NR5A1: variants seen among roughly 807,000 people sequenced by gnomAD.
NR5A1 encodes nuclear receptor subfamily 5 group A member 1, also known as steroidogenic factor 1.
Under a neutral mutation model 42.7 loss-of-function variants are expected in NR5A1, and 6 were observed. The ratio of observed to expected loss-of-function variants is 0.14; its 90% CI spans 0.08 to 0.28. NR5A1 has a LOEUF of 0.28. Among genes scored for constraint, NR5A1 ranks in the 10% least tolerant of loss-of-function variants. The probability of loss-of-function intolerance (pLI) is 1.00; values close to 1 mark genes in which losing one functional copy is unlikely to be tolerated. For synonymous variants in NR5A1, 274 were observed against 277.5 expected (o/e 0.99, Z 0.12); for missense variants, 442 against 626.4 (o/e 0.71, Z 3.14).
intron 4 of NR5A1, among the ~76,000 whole-genome samples, chr9:124,499,152 G>T (rs1832429743): frequency 6.6e-6 from 1 of 152,194 alleles, no homozygotes. Context: ...GGAGGGGCAG[G>T]CCTTGGTCAG....
Position 124,498,158 on chromosome 9 carries a change from C to T in NR5A1, c.870+1932G>A, listed in dbSNP as rs370766655. 3.4e-4 allele frequency among the ~76,000 whole-genome samples: 52 copies of T among 152,228 alleles called. No individual in the cohort carries two copies. The highest frequency in any genetic ancestry group is 1.0e-3 in the African/African-American group (43 of 41,542). The stretch of plus-strand genomic sequence containing the variant: ...GAAATGAATGATCAGCTAGAAGAGA[C>T]GCCGGAGTCACCCACACCCCTCCCA... On this transcript the variant is annotated intron_variant, in intron 4 of 6. Coordinates refer to ENST00000373588, the MANE Select transcript of NR5A1 (RefSeq NM_004959.5). The surrounding 1 kb of genome is among the most constrained non-coding windows in gnomAD (Gnocchi z 4.6).
At position 124,500,464 on chromosome 9, in the gene NR5A1, C is replaced by T; in HGVS notation, c.496G>A (p.Ala166Thr). ...PPAGPLGDFG[A>T]PALPMAVPGA... ...GGCACGGCCATGGGCAGTGCTGGGG[C>T]CCCAAAGTCGCCCAGTGGCCCAGCA... is the stretch of plus-strand genomic sequence containing the variant. Residue 166 changes from alanine to threonine, a missense_variant, in exon 4 of 7, where the codon GCC (alanine) becomes ACC (threonine). Ala to Thr is a moderately conservative substitution (Grantham distance 58). This residue lies in a region of NR5A1 where 208 missense variants were observed against 203.8 expected (regional missense o/e 1.02). Transcript: ENST00000373588. The surrounding 1 kb of genome is among the most constrained non-coding windows in gnomAD (Gnocchi z 6.9). The T allele has an allele frequency of 1.9e-6, 3 of 1,593,044 alleles. 1 individual carries two copies. The South Asian group carries it at 3.4e-5, about 18-fold the overall frequency.
At chr9:124,488,186 A>T (rs1832251318) in intron 6 of NR5A1, among the ~76,000 whole-genome samples, 1 of 151,360 alleles carries the variant, frequency 6.6e-6, no homozygotes, top group Middle Eastern at 3.4e-3. Flanking sequence ...TGCTAGGCCC[A>T]GCTCAGAGCC....
chr9:124,490,565 G>A lies in NR5A1; in HGVS notation c.1138+516C>T, dbSNP rs546718947. Among the ~76,000 whole-genome samples, 421 of 152,288 alleles carry A rather than the reference G, an allele frequency of 2.8e-3. 2 individuals are homozygous for A. The highest frequency in any genetic ancestry group is 4.9e-3 in the Non-Finnish European group (331 of 68,026). On this transcript the variant is annotated intron_variant, in intron 6 of 6. Coordinates refer to ENST00000373588, the MANE Select transcript of NR5A1 (RefSeq NM_004959.5). ...TTCCTGGCTATGCCTGCCTAATCGTGTTAGGAACCTACGTCTTACTAATCA... is the reference window on the plus strand; with the variant it reads ...TTCCTGGCTATGCCTGCCTAATCGTATTAGGAACCTACGTCTTACTAATCA...
intron 6 of NR5A1, among the ~76,000 whole-genome samples, chr9:124,484,626 C>T (rs919611468): frequency 3.3e-5 from 5 of 152,094 alleles, no homozygotes; most frequent in African/African-American, 1.2e-4. Context: ...TGGTGGCGCG[C>T]ACCTGTAATC....
chr9:124,484,948 G>A (rs532647068), intron 6 of NR5A1, among the ~76,000 whole-genome samples: 19 of 152,222 alleles, frequency 1.2e-4, no homozygotes, highest in Admixed American at 5.9e-4. Context: ...CGCCACACCC[G>A]AGGTGCAGTG....
At chr9:124,491,881 CACAG>C (rs1239734154) in intron 5 of NR5A1, among the ~76,000 whole-genome samples, 1 of 151,602 alleles carries the variant, frequency 6.6e-6, no homozygotes, top group Non-Finnish European at 1.5e-5. Context: ...CACAATAAAA[CACAG>C]GCAGGCACAC....
Position 124,500,232 on chromosome 9 carries a change from C to T in NR5A1, c.728G>A (p.Arg243His), listed in dbSNP as rs767165390. Residue 243 changes from arginine (R) to histidine (H), a missense_variant, in exon 4 of 7, where the codon CGC becomes CAC. Coordinates refer to ENST00000373588, the MANE Select transcript of NR5A1 (RefSeq NM_004959.5). This position sits in a 1 kb window ranked among gnomAD's most constrained non-coding sequence, Gnocchi z 6.9. Reference sequence around the variant, plus strand: ...GGGCTCCTGCAGGCAGCCCAAGATGCGGGCCCGCACCTGGTCCTCATCCGG... The same window carrying T: ...GGGCTCCTGCAGGCAGCCCAAGATGTGGGCCCGCACCTGGTCCTCATCCGG... ...LEPDEDQVRA[R>H]ILGCLQEPTK... The T allele has an allele frequency of 8.7e-6, 14 of 1,605,540 alleles. No individual in the cohort carries two copies. The highest frequency in any genetic ancestry group is 1.7e-4 in the Middle Eastern group (1 of 6,016).
intron 4 of NR5A1, among the ~76,000 whole-genome samples, chr9:124,495,202 A>G (rs1293508511): frequency 6.6e-6 from 1 of 152,236 alleles, no homozygotes; most frequent in Non-Finnish European, 1.5e-5. Context: ...CCCCAGGCTC[A>G]GCCCTGACTG....
In NR5A1 at chr9:124,500,962, T is replaced by A; in HGVS notation, c.245-247A>T. Reference sequence around the variant, plus strand: ...ACCGAACTCACCTCCACTCCTCTGTTTGACACATCTCCTTCCTCCTCCACC... The same window carrying A: ...ACCGAACTCACCTCCACTCCTCTGTATGACACATCTCCTTCCTCCTCCACC... On this transcript the variant is annotated intron_variant, in intron 3 of 6. Transcript: ENST00000373588. This position sits in a 1 kb window ranked among gnomAD's most constrained non-coding sequence, Gnocchi z 6.9. 1 of 721,494 alleles carries A rather than the reference T, an allele frequency of 1.4e-6. No homozygotes were observed. The highest frequency in any genetic ancestry group is 2.6e-6 in the Non-Finnish European group (1 of 389,822). 44.7% of individuals were successfully genotyped at this position (721,494 alleles called of 1,614,324 possible).
chr9:124,497,146 G>A (rs895835348), intron 4 of NR5A1, among the ~76,000 whole-genome samples: 1 of 152,186 alleles, frequency 6.6e-6, no homozygotes, highest in Non-Finnish European at 1.5e-5. Context: ...GAAGGGTGCT[G>A]CGACCCCACT....
At position 124,493,335 on chromosome 9, in the gene NR5A1, A is replaced by G. The variant is rs116836172; in HGVS notation, c.871-186T>C. 7.7e-3 allele frequency among the ~76,000 whole-genome samples: 1,177 copies of G among 152,126 alleles called. 14 individuals are homozygous for G. Among genetic ancestry groups the G allele is most frequent in the African/African-American group, 0.024 (990 of 41,486 alleles). On this transcript the variant is annotated intron_variant, in intron 4 of 6. Coordinates refer to ENST00000373588, the MANE Select transcript of NR5A1 (RefSeq NM_004959.5). ...AGAGGTCTGGCCAGTTAACAAAGGGATGTTTGGGGGTTGAATGGGCCAGGC... is the reference window on the plus strand; with the variant it reads ...AGAGGTCTGGCCAGTTAACAAAGGGGTGTTTGGGGGTTGAATGGGCCAGGC...
rs1832150937 is a variant in NR5A1 at position 124,482,914 on chromosome 9, C to T, written c.1230G>A (p.Pro410=). 3 of 1,614,044 alleles carry T rather than the reference C, an allele frequency of 1.9e-6. No individual in the cohort carries two copies. The highest frequency in any genetic ancestry group is 1.1e-5 in the South Asian group (1 of 91,078). ...ALLDYTLCHY[P]HCGDKFQQLL... is the part of the protein sequence containing the mutation. ...GCTGCTGGAATTTGTCCCCGCAGTG[C>T]GGGTAGTGGCACAGGGTGTAGTCAA... The change falls in exon 7 of 7, where the codon CCG becomes CCA. Residue 410 remains proline (P), a synonymous_variant. Transcript: ENST00000373588.
chr9:124,495,603 G>A lies in NR5A1; in HGVS notation c.871-2454C>T, dbSNP rs111914950. On this transcript the variant is annotated intron_variant, in intron 4 of 6. Transcript: ENST00000373588. ...CCACCGTAGACACCCAGGTGGTGGTGCAGGGCCAGGCTTGTCCCCCCGCCC... is the reference window on the plus strand; with the variant it reads ...CCACCGTAGACACCCAGGTGGTGGTACAGGGCCAGGCTTGTCCCCCCGCCC... Among the ~76,000 whole-genome samples, 1,235 of 152,274 alleles carry A rather than the reference G, an allele frequency of 8.1e-3. 16 individuals carry two copies. Among genetic ancestry groups the A allele is most frequent in the African/African-American group, 0.028 (1,168 of 41,556 alleles).
intron 6 of NR5A1, among the ~76,000 whole-genome samples, chr9:124,489,983 C>T (rs1564149211): frequency 6.6e-6 from 1 of 152,160 alleles, no homozygotes; most frequent in Non-Finnish European, 1.5e-5. Context: ...CAACACTCCC[C>T]ACTCCCCACT....
chr9:124,497,941 C>T (rs1001301515), intron 4 of NR5A1, among the ~76,000 whole-genome samples: 2 of 152,156 alleles, frequency 1.3e-5, no homozygotes, highest in Non-Finnish European at 2.9e-5. Flanking sequence ...CTGCCCCTTC[C>T]GTGGCTCTCA....
At chr9:124,484,875 G>C (rs1367240034) in intron 6 of NR5A1, among the ~76,000 whole-genome samples, 1 of 152,196 alleles carries the variant, frequency 6.6e-6, no homozygotes, top group Admixed American at 6.5e-5. Context: ...CTTTGGGGAG[G>C]GGTGGAGGGG....
chr9:124,492,999 G>A lies in NR5A1; in HGVS notation c.990+31C>T, dbSNP rs777525840. On this transcript the variant is annotated intron_variant, in intron 5 of 6. Transcript: ENST00000373588. ...GAAGTGCACAGCGGGGCCAGGGCGG[G>A]GCCCAGGGGCGGGGCCGAGGGACTG... 7.1e-6 allele frequency: 11 copies of A among 1,552,388 alleles called. No homozygotes were observed. The Admixed American group carries it at 2.0e-4, about 29-fold the overall frequency.
At chr9:124,491,036 C>CCCCCCAAGGGGG in intron 6 of NR5A1, 45 bp downstream of exon 6, 3 of 1,401,600 alleles carry the variant, frequency 2.1e-6, no homozygotes, top group Non-Finnish European at 2.9e-6. Flanking sequence ...CCCACCCACC[C>CCCCCCAAGGGGG]GCCTCTGGCT....
Sources: allele counts gnomAD v4.1 joint callset (sites outside exome capture counted in the v4.1 genomes callset), GRCh38; gene constraint gnomAD v4.1.1; regional missense constraint gnomAD v4.1.1; non-coding constraint Gnocchi (gnomAD v3.1); transcripts MANE v1.5; gene names NCBI Gene and HGNC (gene_info 2026-07-23, HGNC 2026-07-21).